Variants in PTPRD observed in about 807,000 individuals in gnomAD.
PTPRD encodes the protein protein tyrosine phosphatase receptor type D.
Under a neutral mutation model 214.5 loss-of-function variants are expected in PTPRD, and 34 were observed. That is an observed-to-expected ratio of 0.16 (90% CI 0.12 to 0.21). The LOEUF (loss-of-function observed/expected upper bound fraction) is 0.21. Ranked by LOEUF, PTPRD falls within the 10% of genes least tolerant of loss-of-function variation. The probability of loss-of-function intolerance (pLI) is 1.00; values close to 1 mark genes in which losing one functional copy is unlikely to be tolerated. For synonymous variants in PTPRD, 1,128 were observed against 845.7 expected (o/e 1.33, Z -5.79); for missense variants, 2,545 against 2,398.7 (o/e 1.06, Z -1.27).
chr9:8,805,198 T>C (rs2096651332), intron 11 of PTPRD, among the ~76,000 whole-genome samples: 1 of 152,200 alleles, frequency 6.6e-6, no homozygotes, highest in South Asian at 2.1e-4. Context: ...CTTAATTTCA[T>C]AACAATTCTA....
intron 11 of PTPRD, among the ~76,000 whole-genome samples, chr9:8,751,699 T>G (rs1454808696): frequency 1.3e-5 from 2 of 152,216 alleles, no homozygotes; most frequent in Non-Finnish European, 2.9e-5. Flanking sequence ...CTCCAGGATT[T>G]CCTCCATTAT....
At chr9:8,441,122 C>G (rs893631827) in intron 34 of PTPRD, among the ~76,000 whole-genome samples, 1 of 152,134 alleles carries the variant, frequency 6.6e-6, no homozygotes, top group Non-Finnish European at 1.5e-5. Flanking sequence ...TTTTCACACA[C>G]AGAAAATACG....
intron 5 of PTPRD, among the ~76,000 whole-genome samples, chr9:9,902,783 G>C (rs939735243): frequency 2.6e-5 from 4 of 152,134 alleles, no homozygotes; most frequent in Non-Finnish European, 5.9e-5. Context: ...GTAAAGGTGA[G>C]CTAGAGCTCA....
intron 11 of PTPRD, among the ~76,000 whole-genome samples, chr9:8,851,706 A>C (rs921462799): frequency 6.6e-6 from 1 of 152,202 alleles, no homozygotes; most frequent in South Asian, 2.1e-4. Context: ...ATAAATTTGT[A>C]TGATCAAACT....
chr9:10,479,648 A>C (rs1023805967), intron 2 of PTPRD, among the ~76,000 whole-genome samples: 1 of 136,054 alleles, frequency 7.4e-6, no homozygotes, highest in African/African-American at 2.7e-5. Flanking sequence ...TAAATAAATA[A>C]ATAAATAAAT....
chr9:8,910,016 T>C (rs2098736258), intron 11 of PTPRD, among the ~76,000 whole-genome samples: 1 of 151,836 alleles, frequency 6.6e-6, no homozygotes, highest in African/African-American at 2.4e-5. Context: ...AAAACTTATG[T>C]AGAAATTTAT....
At chr9:9,043,386 A>G (rs324531) in intron 10 of PTPRD, among the ~76,000 whole-genome samples, 148,765 of 152,242 alleles carry the variant, frequency 0.98, 72,784 homozygotes, top group Middle Eastern at 1. Flanking sequence ...AGGTGTCACC[A>G]TTATTAAACA....
chr9:8,320,334 T>C (rs567403269), intron 44 of PTPRD, among the ~76,000 whole-genome samples: 1 of 152,262 alleles, frequency 6.6e-6, no homozygotes, highest in East Asian at 1.9e-4. Context: ...TTTTAAAGTA[T>C]GAAATAATTC....
intron 5 of PTPRD, among the ~76,000 whole-genome samples, chr9:9,936,934 A>G (rs1338177785): frequency 2.0e-5 from 3 of 148,052 alleles, no homozygotes; most frequent in African/African-American, 5.1e-5. Flanking sequence ...AGGGACATGG[A>G]TGTAATTGGA....
At chr9:10,515,458 A>G (rs2133969535) in intron 2 of PTPRD, among the ~76,000 whole-genome samples, 1 of 152,148 alleles carries the variant, frequency 6.6e-6, no homozygotes, top group African/African-American at 2.4e-5. Flanking sequence ...GAACAAGAAA[A>G]AGTACAACAT....
intron 3 of PTPRD, among the ~76,000 whole-genome samples, chr9:10,123,736 G>A (rs1476048946): frequency 6.6e-6 from 1 of 152,170 alleles, no homozygotes; most frequent in Non-Finnish European, 1.5e-5. Flanking sequence ...TAGTGAATAC[G>A]TCTTTCCCCA....
intron 39 of PTPRD, among the ~76,000 whole-genome samples, chr9:8,346,199 TG>T (rs34955799): frequency 0.48 from 71,634 of 149,650 alleles, 19,728 homozygotes; most frequent in Non-Finnish European, 0.63. Context: ...TAAATTGTTA[TG>T]TATTCAAACT....
At chr9:9,930,154 G>A (rs1266083533) in intron 5 of PTPRD, among the ~76,000 whole-genome samples, 1 of 152,176 alleles carries the variant, frequency 6.6e-6, no homozygotes, top group Non-Finnish European at 1.5e-5. Flanking sequence ...GAGCGCTCAA[G>A]GGAGGAAGGA....
chr9:8,736,159 G>GTA (rs576576519), intron 11 of PTPRD, among the ~76,000 whole-genome samples: 2 of 152,190 alleles, frequency 1.3e-5, no homozygotes, highest in Non-Finnish European at 2.9e-5. Flanking sequence ...GGACTTAAGA[G>GTA]TAATGGTGGT....
chr9:10,337,464 A>T (rs1335229793), intron 3 of PTPRD, among the ~76,000 whole-genome samples: 1 of 151,716 alleles, frequency 6.6e-6, no homozygotes, highest in Non-Finnish European at 1.5e-5. Flanking sequence ...CAAAACAGAG[A>T]TAGTATAGTT....
At chr9:10,382,673 A>T (rs534496515) in intron 2 of PTPRD, among the ~76,000 whole-genome samples, 156 of 151,920 alleles carry the variant, frequency 1.0e-3, no homozygotes, top group Non-Finnish European at 2.0e-3. Flanking sequence ...ATGAGGTTTC[A>T]TATTAAACAG....
chr9:10,520,333 CA>C (rs921377284), intron 2 of PTPRD, among the ~76,000 whole-genome samples: 3 of 152,146 alleles, frequency 2.0e-5, no homozygotes, highest in African/African-American at 7.2e-5. Context: ...TAAACCAGAG[CA>C]CAAACCTAAC....
Position 8,404,636 on chromosome 9 carries a change from T to C in PTPRD, c.4111A>G (p.Thr1371Ala). Residue 1371 changes from threonine (T) to alanine (A), a missense_variant, in exon 36 of 46, where the codon ACT (threonine) becomes GCT (alanine). Thr to Ala is a moderately conservative substitution (Grantham distance 58). Transcript: ENST00000381196. ...ACTTCCAAGTTTGAATGTTCCCAAG[T>C]GAACTGCTGGCCAGGGTCAATTGAC... Reference protein sequence around the residue: ...YESIDPGQQFTWEHSNLEVNK... With the variant: ...YESIDPGQQFAWEHSNLEVNK... 1 of 1,612,272 alleles carries C rather than the reference T, an allele frequency of 6.2e-7. No homozygotes were observed. The highest frequency in any genetic ancestry group is 8.5e-7 in the Non-Finnish European group (1 of 1,178,648).
intron 3 of PTPRD, among the ~76,000 whole-genome samples, chr9:10,071,027 A>G (rs1469425802): frequency 1.3e-5 from 2 of 152,092 alleles, no homozygotes; most frequent in Non-Finnish European, 2.9e-5. Flanking sequence ...TGATAGTACA[A>G]AAATCAAATA....
Sources: gnomAD v4.1 joint callset for allele counts (sites outside exome capture counted in the v4.1 genomes callset) on GRCh38, gnomAD v4.1.1 for gene constraint, MANE v1.5 for transcripts, NCBI Gene and HGNC (gene_info 2026-07-23, HGNC 2026-07-21) for gene names.